Variants in GPR137B observed in about 807,000 individuals in gnomAD.
The protein encoded by GPR137B is G protein-coupled receptor 137B.
A neutral mutation model predicts 42.5 loss-of-function variants in GPR137B; 42 were observed. That is an observed-to-expected ratio of 0.99 (90% CI 0.77 to 1.28). The LOEUF is 1.28. GPR137B is among the 50% of genes most tolerant of loss of function. GPR137B has a pLI of 0.00. For missense variants in GPR137B, 487 were observed against 493.9 expected (o/e 0.99, Z 0.13); for synonymous variants, 218 against 209.7 (o/e 1.04, Z -0.34).
chr1:236,143,245 A>G (rs1661583036), intron 1 of GPR137B, among the ~76,000 whole-genome samples: 2 of 152,232 alleles, frequency 1.3e-5, no homozygotes, highest in African/African-American at 4.8e-5. Context: ...AAAAGGGGCA[A>G]GGAGAAGGCA....
At chr1:236,169,182 AGGTGCAGGTGCAGGTGCAGGTGCAGGTG>A (rs1662451943) in intron 2 of GPR137B, among the ~76,000 whole-genome samples, 2 of 140,978 alleles carry the variant, frequency 1.4e-5, no homozygotes, top group Non-Finnish European at 2.9e-5. Context: ...CTGCAGGTGC[AGGTGCAGGTGCAGGTGCAGGTGCAGGTG>A]CAGGTACAGG....
At chr1:236,188,214 G>T (rs1168331278) in intron 5 of GPR137B, among the ~76,000 whole-genome samples, 1 of 152,172 alleles carries the variant, frequency 6.6e-6, no homozygotes, top group East Asian at 1.9e-4. Context: ...AGCTTAAGGA[G>T]ATTTTGGGCT....
chr1:236,158,329 G>GCACGAGAAT (rs1401819930), intron 1 of GPR137B, among the ~76,000 whole-genome samples: 9 of 152,158 alleles, frequency 5.9e-5, no homozygotes, highest in African/African-American at 2.2e-4. Context: ...GGAGGCTGAG[G>GCACGAGAAT]CACGAGAATC....
chr1:236,142,918 A>ACTT lies in GPR137B; in HGVS notation c.298_300dup (p.Phe100dup). ...CTGCGGACCGTCCTCTTCTCCTTCTACTTCAAAGACTTCGTGGCGGCCAAT... is the reference window on the plus strand; with the variant it reads ...CTGCGGACCGTCCTCTTCTCCTTCTACTTCTTCAAAGACTTCGTGGCGGCCAAT... On this transcript the variant is annotated inframe_insertion, in exon 1 of 7. Coordinates refer to ENST00000366592, the MANE Select transcript of GPR137B (RefSeq NM_003272.4). The ACTT allele has an allele frequency of 6.2e-7, 1 of 1,614,070 alleles. No homozygotes were observed. The highest frequency in any genetic ancestry group is 8.5e-7 in the Non-Finnish European group (1 of 1,179,994).
intron 1 of GPR137B, among the ~76,000 whole-genome samples, chr1:236,166,825 T>C (rs1662374360): frequency 6.6e-6 from 1 of 152,030 alleles, no homozygotes; most frequent in African/African-American, 2.4e-5. Flanking sequence ...CTTATGGTTC[T>C]TTTTTTAAGA....
chr1:236,174,983 C>G (rs1662644328), intron 2 of GPR137B, among the ~76,000 whole-genome samples: 1 of 152,138 alleles, frequency 6.6e-6, no homozygotes, highest in Non-Finnish European at 1.5e-5. Flanking sequence ...TGTTTGAACT[C>G]AGTCATACAA....
intron 2 of GPR137B, among the ~76,000 whole-genome samples, chr1:236,173,300 AAAAAAG>A (rs1350967040): frequency 1.7e-4 from 26 of 151,236 alleles, no homozygotes; most frequent in African/African-American, 6.3e-4. Context: ...CAAAAAAAAA[AAAAAAG>A]AAGAAAGAAA....
At chr1:236,149,709 G>C (rs757629978) in intron 1 of GPR137B, among the ~76,000 whole-genome samples, 18 of 152,268 alleles carry the variant, frequency 1.2e-4, no homozygotes, top group Admixed American at 2.6e-4. Flanking sequence ...AAACAGACAA[G>C]GCGGGCCAAG....
intron 1 of GPR137B, among the ~76,000 whole-genome samples, chr1:236,157,227 T>C (rs1662056664): frequency 1.3e-5 from 1 of 78,714 alleles, no homozygotes; most frequent in African/African-American, 6.3e-5. Flanking sequence ...GATTCCACAC[T>C]TTTTTTTTTT....
chr1:236,149,876 CTG>C (rs1333968339), intron 1 of GPR137B, among the ~76,000 whole-genome samples: 1 of 152,104 alleles, frequency 6.6e-6, no homozygotes, highest in Non-Finnish European at 1.5e-5. Flanking sequence ...GCATGTGTGC[CTG>C]TGTGCACCTG....
At chr1:236,185,623 A>G (rs572956448) in intron 5 of GPR137B, among the ~76,000 whole-genome samples, 1 of 152,254 alleles carries the variant, frequency 6.6e-6, no homozygotes, top group East Asian at 1.9e-4. Context: ...TGGCACGATC[A>G]CAGCTCACCT....
Position 236,156,713 on chromosome 1 carries a change from G to T in GPR137B, c.415-11993G>T, listed in dbSNP as rs1016029352. On this transcript the variant is annotated intron_variant, in intron 1 of 6. Coordinates refer to ENST00000366592, the MANE Select transcript of GPR137B (RefSeq NM_003272.4). The surrounding 1 kb of genome is among the most constrained non-coding windows in gnomAD (Gnocchi z 4.8). ...CTTGTCACCCTGCTCTGCTGAGTGA[G>T]GATGCTCAGCATGTGGGAACAGACT... Among the ~76,000 whole-genome samples the T allele has an allele frequency of 6.6e-6, 1 of 152,200 alleles. No individual in the cohort carries two copies. The highest frequency in any genetic ancestry group is 2.4e-5 in the African/African-American group (1 of 41,468).
In GPR137B at chr1:236,189,189, G is replaced by A. The variant is rs569009120; in HGVS notation, c.966+5283G>A. Among the ~76,000 whole-genome samples, 115 of 151,910 alleles carry A rather than the reference G, an allele frequency of 7.6e-4. 2 individuals carry two copies. The highest frequency in any genetic ancestry group is 3.2e-4 in the Non-Finnish European group (22 of 67,924). ...TATCCCCTTTATCATTTTTTATTGC[G>A]TCTATTTGATTCTTCTCTCTTTTCT... On this transcript the variant is annotated intron_variant, in intron 5 of 6. Coordinates refer to ENST00000366592, the MANE Select transcript of GPR137B (RefSeq NM_003272.4).
chr1:236,164,906 G>C (rs1662306867), intron 1 of GPR137B, among the ~76,000 whole-genome samples: 1 of 151,802 alleles, frequency 6.6e-6, no homozygotes, highest in African/African-American at 2.4e-5. Flanking sequence ...GAGAGAGAGA[G>C]AGAGAGAGAG....
Position 236,142,875 on chromosome 1 carries a change from T to A in GPR137B, c.253T>A (p.Cys85Ser). 1 of 1,614,234 alleles carries A rather than the reference T, an allele frequency of 6.2e-7. No individual in the cohort carries two copies. The highest frequency in any genetic ancestry group is 8.5e-7 in the Non-Finnish European group (1 of 1,180,038). Residue 85 changes from cysteine to serine, a missense_variant, in exon 1 of 7, where the codon TGC becomes AGC. Physicochemically the swap from Cys to Ser is moderately radical, Grantham distance 112. Coordinates refer to ENST00000366592, the MANE Select transcript of GPR137B (RefSeq NM_003272.4). ...CTACCAGAGCGTCTTCCTCTTTCTCTGCCTCTTCTGGGCCTCCCTGCGGAC... is the reference window on the plus strand; with the variant it reads ...CTACCAGAGCGTCTTCCTCTTTCTCAGCCTCTTCTGGGCCTCCCTGCGGAC... ...LSYQSVFLFL[C>S]LFWASLRTVL...
chr1:236,170,623 T>C (rs1347306859), intron 2 of GPR137B, among the ~76,000 whole-genome samples: 1 of 152,190 alleles, frequency 6.6e-6, no homozygotes, highest in African/African-American at 2.4e-5. Context: ...GTGTCCCTAA[T>C]CTGAAATGCT....
intron 5 of GPR137B, among the ~76,000 whole-genome samples, chr1:236,191,651 G>A (rs1241477933): frequency 2.0e-5 from 3 of 152,130 alleles, no homozygotes; most frequent in Non-Finnish European, 4.4e-5. Context: ...TATCACCAGC[G>A]GAGGCTGCAG....
At chr1:236,172,930 G>A (rs993863047) in intron 2 of GPR137B, among the ~76,000 whole-genome samples, 28 of 151,108 alleles carry the variant, frequency 1.9e-4, no homozygotes, top group African/African-American at 6.3e-4. Context: ...GGACTCAAGC[G>A]ACTCTCCCGC....
chr1:236,161,406 C>T (rs189272638), intron 1 of GPR137B, among the ~76,000 whole-genome samples: 5 of 151,986 alleles, frequency 3.3e-5, no homozygotes, highest in Non-Finnish European at 5.9e-5. Flanking sequence ...TGCAGGTTCA[C>T]ACCTCCTCAT....
Sources: allele counts gnomAD v4.1 joint callset (sites outside exome capture counted in the v4.1 genomes callset), GRCh38; gene constraint gnomAD v4.1.1; non-coding constraint Gnocchi (gnomAD v3.1); transcripts MANE v1.5; gene names NCBI Gene and HGNC (gene_info 2026-07-23, HGNC 2026-07-21).